Variants in TSPAN14 observed in about 807,000 individuals in gnomAD.
TSPAN14 encodes tetraspanin-14.
Under a neutral mutation model 36.6 loss-of-function variants are expected in TSPAN14, and 16 were observed. The observed-to-expected ratio is 0.44, with a 90% CI of 0.30 to 0.66. TSPAN14 has a LOEUF of 0.66. Ranked by LOEUF, TSPAN14 falls within the 30% of genes least tolerant of loss-of-function variation. The pLI, the probability that TSPAN14 is intolerant of heterozygous loss-of-function variation, is 0.12. For synonymous variants in TSPAN14, 139 were observed against 143.8 expected (o/e 0.97, Z 0.24); for missense variants, 231 against 355.1 (o/e 0.65, Z 2.81).
At chr10:80,457,440 C>T (rs565280989) in intron 1 of TSPAN14, among the ~76,000 whole-genome samples, 4 of 152,272 alleles carry the variant, frequency 2.6e-5, no homozygotes, top group South Asian at 2.1e-4. Flanking sequence ...CCGCCCGCCT[C>T]GGCCTCCCAA....
chr10:80,478,232 T>G (rs117737391), intron 1 of TSPAN14, among the ~76,000 whole-genome samples: 2,316 of 151,884 alleles, frequency 0.015, 78 homozygotes, highest in East Asian at 0.08. Context: ...TATCAGAAAA[T>G]TTTTCAAAAA....
intron 2 of TSPAN14, among the ~76,000 whole-genome samples, chr10:80,498,479 G>A (rs1322508619): frequency 6.6e-6 from 1 of 152,136 alleles, no homozygotes; most frequent in Non-Finnish European, 1.5e-5. Context: ...CACTTGAAAA[G>A]CCTCCAGAAG....
chr10:80,464,250 T>A (rs868540668), intron 1 of TSPAN14, among the ~76,000 whole-genome samples: 2 of 152,358 alleles, frequency 1.3e-5, no homozygotes, highest in Middle Eastern at 3.4e-3. Flanking sequence ...TTCGCTGCTC[T>A]GCACACCTCC....
At chr10:80,483,053 A>C (rs867217064) in intron 1 of TSPAN14, among the ~76,000 whole-genome samples, 1 of 151,620 alleles carries the variant, frequency 6.6e-6, no homozygotes, top group Non-Finnish European at 1.5e-5. Flanking sequence ...CACTTTTCAC[A>C]CTTATGAATT....
At chr10:80,474,009 T>A (rs1846712076) in intron 1 of TSPAN14, among the ~76,000 whole-genome samples, 1 of 152,116 alleles carries the variant, frequency 6.6e-6, no homozygotes, top group Non-Finnish European at 1.5e-5. Context: ...TAGGCTTCTC[T>A]CCCTGGGCCT....
chr10:80,490,525 T>C (rs1847869890), intron 2 of TSPAN14, among the ~76,000 whole-genome samples: 1 of 152,100 alleles, frequency 6.6e-6, no homozygotes, highest in African/African-American at 2.4e-5. Flanking sequence ...TCAACCATGG[T>C]GCAGGGAGGT....
chr10:80,520,957 T>A (rs368737236), exon 9 of TSPAN14: 223 of 435,156 alleles, frequency 5.1e-4, no homozygotes, highest in African/African-American at 4.4e-3. Flanking sequence ...CTCCGGGGAA[T>A]CCCACTACCC....
Position 80,518,263 on chromosome 10 carries a change from G to C in TSPAN14, c.*287G>C, listed in dbSNP as rs1841054774. 8.4e-6 allele frequency: 4 copies of C among 474,342 alleles called. No homozygotes were observed. The South Asian group carries it at 9.5e-5, about 11-fold the overall frequency. 29.4% of individuals were successfully genotyped at this position (474,342 alleles called of 1,614,324 possible). A position where few individuals can be genotyped will look rare whatever the true frequency, so the allele number is the denominator to read the frequency against. ...ACTCTGAAAGACAGAGAGGGCTCCT[G>C]TGGCTGCCAGGAGGGCTTGACTCAG... On this transcript the variant is annotated 3_prime_UTR_variant, in exon 9 of 9. Transcript: ENST00000429989.
At chr10:80,491,242 G>T (rs1303135793) in intron 2 of TSPAN14, among the ~76,000 whole-genome samples, 1 of 152,174 alleles carries the variant, frequency 6.6e-6, no homozygotes, top group African/African-American at 2.4e-5. Context: ...CTGGATATTT[G>T]ATGTGGTGCC....
At chr10:80,518,752 G>A (rs1841091357) in exon 9 of TSPAN14, 1 of 152,848 alleles carries the variant, frequency 6.5e-6, no homozygotes, top group Non-Finnish European at 1.5e-5. Flanking sequence ...TTCTTAAAGT[G>A]TGTAAATAGT....
At chr10:80,471,460 A>T (rs1286807087) in intron 1 of TSPAN14, among the ~76,000 whole-genome samples, 1 of 149,992 alleles carries the variant, frequency 6.7e-6, no homozygotes, top group Non-Finnish European at 1.5e-5. Flanking sequence ...CTGGGCCCAG[A>T]CTCTCCACGT....
At chr10:80,457,016 C>T (rs189320529) in intron 1 of TSPAN14, among the ~76,000 whole-genome samples, 4 of 151,918 alleles carry the variant, frequency 2.6e-5, no homozygotes, top group South Asian at 2.1e-4. Context: ...GAGCTGAGAT[C>T]GCGCCGTTGC....
exon 9 of TSPAN14, chr10:80,518,014 G>A (rs1480817218): frequency 6.5e-7 from 1 of 1,549,322 alleles, no homozygotes; most frequent in Non-Finnish European, 8.7e-7. Context: ...GCCACGCTGG[G>A]AGGCCAGAGC....
intron 1 of TSPAN14, among the ~76,000 whole-genome samples, chr10:80,465,248 C>T (rs1484424918): frequency 6.6e-6 from 1 of 152,092 alleles, no homozygotes; most frequent in Non-Finnish European, 1.5e-5. Context: ...TATTAGTCTC[C>T]CAGGCCCCCC....
intron 2 of TSPAN14, among the ~76,000 whole-genome samples, chr10:80,495,851 A>C (rs1848171813): frequency 6.6e-6 from 1 of 152,172 alleles, no homozygotes; most frequent in Non-Finnish European, 1.5e-5. Flanking sequence ...CCACATAATC[A>C]CCATCATCAC....
At chr10:80,483,019 GC>G (rs2131998777) in intron 1 of TSPAN14, among the ~76,000 whole-genome samples, 1 of 149,888 alleles carries the variant, frequency 6.7e-6, no homozygotes, top group East Asian at 1.9e-4. Flanking sequence ...ATAGGCGTGA[GC>G]CACTTTGCCC....
At chr10:80,460,405 TAGAG>T (rs768075995) in intron 1 of TSPAN14, among the ~76,000 whole-genome samples, 3 of 152,174 alleles carry the variant, frequency 2.0e-5, no homozygotes, top group African/African-American at 7.2e-5. Flanking sequence ...ACTAGGCTCT[TAGAG>T]AGAATGGAGT....
Position 80,455,890 on chromosome 10 carries a change from C to T in TSPAN14, c.-18+1519C>T, listed in dbSNP as rs150206791. Among the ~76,000 whole-genome samples, 506 of 152,240 alleles carry T rather than the reference C, an allele frequency of 3.3e-3. 3 individuals carry two copies. The highest frequency in any genetic ancestry group is 0.012 in the African/African-American group (478 of 41,534). On this transcript the variant is annotated intron_variant, in intron 1 of 8. Transcript: ENST00000429989. Reference sequence around the variant, plus strand: ...CACCACGCGCAGTCTGATCCCACTCCGATCCCTAACGTTATAGTGACAGGC... The same window carrying T: ...CACCACGCGCAGTCTGATCCCACTCTGATCCCTAACGTTATAGTGACAGGC...
intron 2 of TSPAN14, among the ~76,000 whole-genome samples, chr10:80,502,837 T>C (rs759295871): frequency 1.3e-5 from 2 of 152,036 alleles, no homozygotes; most frequent in African/African-American, 2.4e-5. Context: ...TTGTGAATTA[T>C]GAGATCATCG....
Sources: allele counts gnomAD v4.1 joint callset (sites outside exome capture counted in the v4.1 genomes callset), GRCh38; gene constraint gnomAD v4.1.1; transcripts MANE v1.5; gene names NCBI Gene and HGNC (gene_info 2026-07-23, HGNC 2026-07-21).